Variants in RNF144A observed in about 807,000 individuals in gnomAD.
RNF144A encodes E3 ubiquitin-protein ligase RNF144A.
Under a neutral mutation model 38.7 loss-of-function variants are expected in RNF144A, and 11 were observed. The observed-to-expected ratio is 0.28, with a 90% CI of 0.18 to 0.47. The LOEUF is 0.47. RNF144A is among the 20% of genes least tolerant of loss of function. The pLI is 0.99. For synonymous variants in RNF144A, 149 were observed against 143.9 expected (o/e 1.04, Z -0.25); for missense variants, 316 against 377.2 (o/e 0.84, Z 1.34).
intron 6 of RNF144A, among the ~76,000 whole-genome samples, chr2:7,067,752 G>A (rs1171430894): frequency 1.3e-5 from 2 of 152,200 alleles, no homozygotes; most frequent in African/African-American, 4.8e-5. Flanking sequence ...ACTGTAGCCA[G>A]TCACCTGAAG....
chr2:6,953,474 G>C (rs762020674), intron 2 of RNF144A, among the ~76,000 whole-genome samples: 1 of 152,098 alleles, frequency 6.6e-6, no homozygotes, highest in Non-Finnish European at 1.5e-5. Flanking sequence ...CATCTCATAA[G>C]TTTTCTTAAA....
intron 2 of RNF144A, among the ~76,000 whole-genome samples, chr2:6,951,710 A>G (rs2103314563): frequency 6.6e-6 from 1 of 152,258 alleles, no homozygotes; most frequent in South Asian, 2.1e-4. Flanking sequence ...AGTTTCTTTT[A>G]TACCCTTGGA....
At chr2:6,920,682 G>C (rs1373166739) in intron 1 of RNF144A, among the ~76,000 whole-genome samples, 1 of 152,238 alleles carries the variant, frequency 6.6e-6, no homozygotes, top group Non-Finnish European at 1.5e-5. Flanking sequence ...CATTGAGATC[G>C]AAGAATGAAG....
At position 6,944,440 on chromosome 2, in the gene RNF144A, G is replaced by A. The variant is rs1666208857; in HGVS notation, c.-12+3293G>A. On this transcript the variant is annotated intron_variant, in intron 2 of 8. Coordinates refer to ENST00000320892, the MANE Select transcript of RNF144A (RefSeq NM_014746.6). The surrounding 1 kb of genome is among the most constrained non-coding windows in gnomAD (Gnocchi z 4.7). ...CTACTTACCCCTTTGGTGATACTGG[G>A]AAGGCATTGCTAAGGTGTCACGGTT... Among the ~76,000 whole-genome samples, 2 of 152,046 alleles carry A rather than the reference G, an allele frequency of 1.3e-5. No individual in the cohort carries two copies. Among genetic ancestry groups the A allele is most frequent in the Non-Finnish European group, 2.9e-5 (2 of 67,992 alleles).
intron 2 of RNF144A, among the ~76,000 whole-genome samples, chr2:6,967,727 C>T (rs1030757045): frequency 2.0e-5 from 3 of 152,214 alleles, no homozygotes; most frequent in East Asian, 1.9e-4. Flanking sequence ...AAGAAACTCA[C>T]CTACTAAATA....
chr2:7,020,495 G>A lies in RNF144A; in HGVS notation c.324G>A (p.Arg108=). The A allele has an allele frequency of 1.2e-6, 2 of 1,613,776 alleles. No individual in the cohort carries two copies. Among genetic ancestry groups the A allele is most frequent in the Non-Finnish European group, 1.7e-6 (2 of 1,180,010 alleles). The stretch of plus-strand genomic sequence containing the variant: ...CAGAGGTGCTGTTTGATCCCTGTCG[G>A]ACTTGGTGCCCGGCGTCCACCTGCC... ...FEREVLFDPC[R]TWCPASTCQA... The change falls in exon 6 of 9, where the codon CGG becomes CGA. Residue 108 remains arginine, a synonymous_variant. Transcript: ENST00000320892.
At chr2:6,928,614 T>C (rs1034670262) in intron 1 of RNF144A, among the ~76,000 whole-genome samples, 2 of 152,218 alleles carry the variant, frequency 1.3e-5, no homozygotes, top group Non-Finnish European at 2.9e-5. Flanking sequence ...CTGCATGCCC[T>C]GGCCTCCGTG....
the RNF144A span, among the ~76,000 whole-genome samples, chr2:7,075,851 G>A: frequency 6.6e-6 from 1 of 152,156 alleles, no homozygotes; most frequent in South Asian, 2.1e-4. Context: ...AAGGGGAAGG[G>A]GGGACATGTG....
intron 5 of RNF144A, among the ~76,000 whole-genome samples, chr2:7,017,825 C>T (rs887535286): frequency 1.1e-4 from 17 of 152,160 alleles, no homozygotes; most frequent in Admixed American, 6.5e-4. Context: ...TGACATGCCC[C>T]GGCAGCACAG....
chr2:6,927,891 G>A (rs1558355821), intron 1 of RNF144A, among the ~76,000 whole-genome samples: 1 of 152,232 alleles, frequency 6.6e-6, no homozygotes. Flanking sequence ...CTGATCTGGA[G>A]GGCCTTGGAG....
At chr2:7,067,789 C>T (rs1434301348) in intron 6 of RNF144A, among the ~76,000 whole-genome samples, 3 of 152,178 alleles carry the variant, frequency 2.0e-5, no homozygotes, top group African/African-American at 7.2e-5. Flanking sequence ...CTGTGTACTT[C>T]CTTGTAAAGT....
chr2:7,007,661 C>T (rs1172534794), intron 3 of RNF144A, among the ~76,000 whole-genome samples: 3 of 152,144 alleles, frequency 2.0e-5, no homozygotes, highest in Admixed American at 6.5e-5. Flanking sequence ...AGTGACAGGC[C>T]GAGTCCCTGC....
At chr2:7,027,304 C>A (rs935987350) in intron 7 of RNF144A, among the ~76,000 whole-genome samples, 1 of 152,238 alleles carries the variant, frequency 6.6e-6, no homozygotes, top group Non-Finnish European at 1.5e-5. Context: ...TTGCTATTTA[C>A]TGTAAAAAGG....
chr2:6,991,922 A>C (rs1173170234), intron 2 of RNF144A, among the ~76,000 whole-genome samples: 1 of 152,198 alleles, frequency 6.6e-6, no homozygotes, highest in East Asian at 1.9e-4. Flanking sequence ...TGAATAATGT[A>C]TCGTCAAGTT....
chr2:6,926,781 A>T (rs1022334820), intron 1 of RNF144A, among the ~76,000 whole-genome samples: 2 of 152,212 alleles, frequency 1.3e-5, no homozygotes, highest in Non-Finnish European at 2.9e-5. Context: ...ATATTCATGA[A>T]TATCTTACTC....
At chr2:7,024,220 C>T in intron 6 of RNF144A, 149 bp from the exon 7 acceptor site, 6 of 671,730 alleles carry the variant, frequency 8.9e-6, no homozygotes, top group South Asian at 9.7e-5. Flanking sequence ...GTTTCTGTTT[C>T]TTTGTTTTTT....
At chr2:7,060,814 A>G (rs1039284719) in intron 6 of RNF144A, among the ~76,000 whole-genome samples, 4 of 152,030 alleles carry the variant, frequency 2.6e-5, no homozygotes, top group Non-Finnish European at 5.9e-5. Flanking sequence ...CGCCCCTGCA[A>G]CCCCTGCAGT....
intron 2 of RNF144A, among the ~76,000 whole-genome samples, chr2:6,984,143 C>T (rs1183386217): frequency 2.6e-5 from 4 of 152,062 alleles, no homozygotes; most frequent in South Asian, 2.1e-4. Flanking sequence ...CCACTGAGCC[C>T]GCATAGTTCA....
At chr2:7,064,954 T>C (rs1056879909) in intron 6 of RNF144A, among the ~76,000 whole-genome samples, 5 of 152,178 alleles carry the variant, frequency 3.3e-5, no homozygotes, top group Admixed American at 6.5e-5. Context: ...CTCGGGGCAG[T>C]AGTAGATCTT....
Sources: gnomAD v4.1 joint callset for allele counts (sites outside exome capture counted in the v4.1 genomes callset) on GRCh38, gnomAD v4.1.1 for gene constraint, Gnocchi (gnomAD v3.1) non-coding constraint, MANE v1.5 for transcripts, NCBI Gene and HGNC (gene_info 2026-07-23, HGNC 2026-07-21) for gene names.